ADAMTS3: variants seen among roughly 807,000 people sequenced by gnomAD.
The protein encoded by ADAMTS3 is A disintegrin and metalloproteinase with thrombospondin motifs 3.
ADAMTS3 carries 73 observed loss-of-function variants against 129.0 expected under a neutral mutation model. The observed-to-expected ratio is 0.57, with a 90% CI of 0.47 to 0.69. The LOEUF is 0.69. ADAMTS3 is among the 30% of genes least tolerant of loss of function. ADAMTS3 has a pLI of 0.00. For missense variants in ADAMTS3, 1,457 were observed against 1,514.5 expected, an observed-to-expected ratio of 0.96 and a Z score of 0.63; for synonymous variants, 477 against 510.8, an observed-to-expected ratio of 0.93 and a Z score of 0.89.
intron 3 of ADAMTS3, among the ~76,000 whole-genome samples, chr4:72,525,246 G>A (rs1188232986): frequency 6.6e-6 from 1 of 152,156 alleles, no homozygotes; most frequent in Non-Finnish European, 1.5e-5. Context: ...CTTCTATTTA[G>A]TCAGGACAGA....
chr4:72,370,667 T>C (rs1016122978), intron 4 of ADAMTS3, among the ~76,000 whole-genome samples: 1 of 152,114 alleles, frequency 6.6e-6, no homozygotes, highest in African/African-American at 2.4e-5. Flanking sequence ...GAAGAATTGC[T>C]TGAACCCAGG....
chr4:72,470,631 A>G (rs1330854684), intron 3 of ADAMTS3, among the ~76,000 whole-genome samples: 1 of 151,822 alleles, frequency 6.6e-6, no homozygotes, highest in East Asian at 1.9e-4. Context: ...CAAGGTCAAA[A>G]CTATTCTCAC....
At chr4:72,521,003 C>CTT (rs752135685) in intron 3 of ADAMTS3, among the ~76,000 whole-genome samples, 1 of 144,444 alleles carries the variant, frequency 6.9e-6, no homozygotes. Flanking sequence ...CACTTTTTTT[C>CTT]TTTTTTTTTT....
intron 19 of ADAMTS3, among the ~76,000 whole-genome samples, chr4:72,292,572 T>C (rs1718702269): frequency 1.3e-5 from 2 of 152,174 alleles, no homozygotes; most frequent in Non-Finnish European, 2.9e-5. Flanking sequence ...AGTGTCAGTG[T>C]CCCAAGCACT....
rs140810765 is a variant in ADAMTS3 at position 72,360,076 on chromosome 4, C to T, written c.662-20383G>A. Among the ~76,000 whole-genome samples, 894 of 152,188 alleles carry T rather than the reference C, an allele frequency of 5.9e-3. 11 individuals carry two copies. The highest frequency in any genetic ancestry group is 0.02 in the African/African-American group (821 of 41,554). On this transcript the variant is annotated intron_variant, in intron 4 of 21. Transcript: ENST00000286657. Reference sequence around the variant, plus strand: ...TTGCTGATGTTGGATGATGATAGTTCTCATTTTACCAATTATTTTTTCACT... The same window carrying T: ...TTGCTGATGTTGGATGATGATAGTTTTCATTTTACCAATTATTTTTTCACT...
chr4:72,315,810 A>G (rs757728501), intron 11 of ADAMTS3, 48 bp downstream of exon 11: 2 of 1,262,662 alleles, frequency 1.6e-6, no homozygotes, highest in South Asian at 2.6e-5. Context: ...AAAGATGATA[A>G]TTATGCAACA....
At chr4:72,338,586 G>C (rs568367700) in intron 5 of ADAMTS3, among the ~76,000 whole-genome samples, 3 of 151,664 alleles carry the variant, frequency 2.0e-5, no homozygotes, top group African/African-American at 7.3e-5. Flanking sequence ...CTAATCTTAA[G>C]CATGGGGGAA....
chr4:72,517,121 T>G (rs1720509730), intron 3 of ADAMTS3, among the ~76,000 whole-genome samples: 2 of 152,138 alleles, frequency 1.3e-5, no homozygotes, highest in Admixed American at 1.3e-4. Flanking sequence ...TGGTTCTGTT[T>G]ATATGGTGGA....
At chr4:72,551,822 C>T (rs1254335178) in intron 2 of ADAMTS3, among the ~76,000 whole-genome samples, 1 of 152,184 alleles carries the variant, frequency 6.6e-6, no homozygotes, top group Non-Finnish European at 1.5e-5. Context: ...TGCTCCTATG[C>T]TCTCGTTCAC....
At chr4:72,502,826 C>T (rs771144110) in intron 3 of ADAMTS3, among the ~76,000 whole-genome samples, 3 of 151,984 alleles carry the variant, frequency 2.0e-5, no homozygotes, top group Non-Finnish European at 2.9e-5. Context: ...CCCATCAACC[C>T]ATCACCTACA....
intron 3 of ADAMTS3, among the ~76,000 whole-genome samples, chr4:72,541,252 C>A (rs566871354): frequency 2.0e-5 from 3 of 152,186 alleles, no homozygotes. Context: ...TGCTGGATTT[C>A]GAACTTGCAT....
At chr4:72,522,337 C>A (rs1326287778) in intron 3 of ADAMTS3, among the ~76,000 whole-genome samples, 1 of 152,148 alleles carries the variant, frequency 6.6e-6, no homozygotes. Flanking sequence ...AAAACCTAAT[C>A]CAATTAGTTT....
At chr4:72,305,215 C>T (rs1001932129) in intron 16 of ADAMTS3, among the ~76,000 whole-genome samples, 15 of 151,716 alleles carry the variant, frequency 9.9e-5, no homozygotes, top group African/African-American at 3.1e-4. Flanking sequence ...TCCATGTAAT[C>T]GTCTCATAAA....
intron 3 of ADAMTS3, among the ~76,000 whole-genome samples, chr4:72,491,071 T>C (rs1161606684): frequency 1.3e-5 from 2 of 151,872 alleles, no homozygotes; most frequent in African/African-American, 4.8e-5. Flanking sequence ...TTTATTCTTT[T>C]TGTTGACATT....
chr4:72,459,541 C>G (rs1032829360), intron 3 of ADAMTS3, among the ~76,000 whole-genome samples: 1 of 151,354 alleles, frequency 6.6e-6, no homozygotes, highest in Non-Finnish European at 1.5e-5. Context: ...ATTTAATTTC[C>G]CAAAGCTTCA....
intron 3 of ADAMTS3, among the ~76,000 whole-genome samples, chr4:72,533,186 T>G (rs764748015): frequency 6.6e-6 from 1 of 152,200 alleles, no homozygotes; most frequent in Non-Finnish European, 1.5e-5. Context: ...CTATAAGGCT[T>G]GTCTAATTTT....
intron 3 of ADAMTS3, among the ~76,000 whole-genome samples, chr4:72,481,150 T>C (rs1453680009): frequency 6.6e-6 from 1 of 152,148 alleles, no homozygotes; most frequent in African/African-American, 2.4e-5. Flanking sequence ...ACAAGCTTGA[T>C]GAAATTCCTA....
chr4:72,495,820 G>C (rs1719860418), intron 3 of ADAMTS3, among the ~76,000 whole-genome samples: 1 of 152,110 alleles, frequency 6.6e-6, no homozygotes, highest in South Asian at 2.1e-4. Context: ...TTTAAGCCTG[G>C]TTAAAAGATA....
intron 19 of ADAMTS3, among the ~76,000 whole-genome samples, chr4:72,295,086 T>C (rs1391894314): frequency 6.6e-6 from 1 of 151,978 alleles, no homozygotes; most frequent in Non-Finnish European, 1.5e-5. Flanking sequence ...TAGTAGAAGA[T>C]CAAATACATA....
Sources: allele counts gnomAD v4.1 joint callset (sites outside exome capture counted in the v4.1 genomes callset), GRCh38; gene constraint gnomAD v4.1.1; transcripts MANE v1.5; gene names NCBI Gene and HGNC (gene_info 2026-07-23, HGNC 2026-07-21).